FUT8: variants seen among roughly 807,000 people sequenced by gnomAD.
FUT8 encodes alpha-(1,6)-fucosyltransferase.
Under a neutral mutation model 71.3 loss-of-function variants are expected in FUT8, and 29 were observed. The observed-to-expected ratio is 0.41, with a 90% CI of 0.30 to 0.55. The LOEUF is 0.55. Among genes scored for constraint, FUT8 ranks in the 20% least tolerant of loss-of-function variants. FUT8 has a pLI of 0.34. For missense variants in FUT8, 544 were observed against 702.1 expected, an observed-to-expected ratio of 0.77 and a Z score of 2.55; for synonymous variants, 254 against 239.3, an observed-to-expected ratio of 1.06 and a Z score of -0.57.
intron 7 of FUT8, among the ~76,000 whole-genome samples, chr14:65,710,546 A>G (rs1894763878): frequency 2.0e-5 from 3 of 152,164 alleles, no homozygotes; most frequent in Admixed American, 6.5e-5. Flanking sequence ...AGTTTACTAG[A>G]CAGTAGCGTG....
At chr14:65,441,787 T>C (rs2065661335) in intron 1 of FUT8, among the ~76,000 whole-genome samples, 1 of 148,388 alleles carries the variant, frequency 6.7e-6, no homozygotes, top group Admixed American at 6.8e-5. Context: ...AATCAGTTTG[T>C]ATTTACTCAG....
chr14:65,659,023 C>G (rs748154045), intron 6 of FUT8, among the ~76,000 whole-genome samples: 4 of 151,938 alleles, frequency 2.6e-5, no homozygotes, highest in Non-Finnish European at 5.9e-5. Flanking sequence ...TAGTAACTCT[C>G]TGTACTATTT....
intron 3 of FUT8, among the ~76,000 whole-genome samples, chr14:65,568,804 C>T (rs1007517755): frequency 6.6e-6 from 1 of 150,976 alleles, no homozygotes; most frequent in African/African-American, 2.4e-5. Context: ...TTTATAAACA[C>T]TCATATTCTT....
At chr14:65,625,558 T>A (rs1035311826) in intron 5 of FUT8, among the ~76,000 whole-genome samples, 1 of 152,186 alleles carries the variant, frequency 6.6e-6, no homozygotes, top group Non-Finnish European at 1.5e-5. Context: ...GAATAACAAA[T>A]AAGAAAATGG....
intron 3 of FUT8, among the ~76,000 whole-genome samples, chr14:65,608,416 A>G (rs1888700297): frequency 6.6e-6 from 1 of 151,888 alleles, no homozygotes; most frequent in Non-Finnish European, 1.5e-5. Context: ...TTTGATGGGA[A>G]AAGTTTAATT....
At chr14:65,712,611 A>C (rs1203425521) in intron 7 of FUT8, among the ~76,000 whole-genome samples, 1 of 151,982 alleles carries the variant, frequency 6.6e-6, no homozygotes, top group Non-Finnish European at 1.5e-5. Flanking sequence ...CACCCGGCTA[A>C]TTTTTGTATT....
chr14:65,589,556 G>C (rs367995264), intron 3 of FUT8, among the ~76,000 whole-genome samples: 16 of 146,336 alleles, frequency 1.1e-4, no homozygotes, highest in African/African-American at 3.8e-4. Context: ...CCATTCTCCT[G>C]CCTCAGCCTC....
intron 2 of FUT8, among the ~76,000 whole-genome samples, chr14:65,466,266 A>G (rs2066043151): frequency 6.6e-6 from 1 of 152,190 alleles, no homozygotes; most frequent in Admixed American, 6.5e-5. Context: ...TATTTAGACC[A>G]CAGATGTTTA....
At chr14:65,504,960 G>GA (rs1264395930) in intron 2 of FUT8, among the ~76,000 whole-genome samples, 2 of 152,004 alleles carry the variant, frequency 1.3e-5, no homozygotes, top group African/African-American at 2.4e-5. Flanking sequence ...GAAAGAAAGG[G>GA]AAAAAAACCC....
chr14:65,578,373 T>TA (rs1482755719), intron 3 of FUT8, among the ~76,000 whole-genome samples: 3 of 152,214 alleles, frequency 2.0e-5, no homozygotes, highest in Non-Finnish European at 4.4e-5. Context: ...GGCTATTTCT[T>TA]ACGTTTCTTT....
At position 65,633,191 on chromosome 14, in the gene FUT8, G is replaced by T. The variant is rs540505598; in HGVS notation, c.597+3585G>T. On this transcript the variant is annotated intron_variant, in intron 6 of 10. Transcript: ENST00000673929. Reference sequence around the variant, plus strand: ...GCGCCGCCACGCCTGACTGGTTTTCGTATTTTTTTGGTGGAGACGGGGTTT... The same window carrying T: ...GCGCCGCCACGCCTGACTGGTTTTCTTATTTTTTTGGTGGAGACGGGGTTT... Among the ~76,000 whole-genome samples the T allele has an allele frequency of 3.3e-5, 5 of 152,022 alleles. No individual in the cohort carries two copies. In the East Asian group the frequency reaches 7.8e-4, roughly 24 times the overall value.
Position 65,426,936 on chromosome 14 carries a change from G to C in FUT8, c.-326+13722G>C, listed in dbSNP as rs2065397989. 2.0e-5 allele frequency among the ~76,000 whole-genome samples: 3 copies of C among 152,088 alleles called. No homozygotes were observed. The South Asian group carries it at 6.2e-4, about 32-fold the overall frequency. ...TGCAGTGGTGTGATCTTGGCTCACT[G>C]TAAGCTCTGCCTCCCGGGTTCAGGC... On this transcript the variant is annotated intron_variant, in intron 1 of 10. Transcript: ENST00000673929.
chr14:65,419,312 C>G (rs1344868083), intron 1 of FUT8, among the ~76,000 whole-genome samples: 1 of 151,976 alleles, frequency 6.6e-6, no homozygotes, highest in Non-Finnish European at 1.5e-5. Flanking sequence ...CTTCATGTGC[C>G]TCATTACTGT....
intron 2 of FUT8, among the ~76,000 whole-genome samples, chr14:65,458,787 C>CT (rs895343220): frequency 1.5e-4 from 21 of 144,762 alleles, no homozygotes; most frequent in Non-Finnish European, 1.2e-4. Context: ...CTTTTCTTTT[C>CT]TTTCTTTTTT....
intron 10 of FUT8, among the ~76,000 whole-genome samples, chr14:65,738,207 C>G (rs1200281381): frequency 6.6e-6 from 1 of 152,106 alleles, no homozygotes; most frequent in Non-Finnish European, 1.5e-5. Flanking sequence ...GTCTTATTCT[C>G]TTATTGTATA....
chr14:65,417,269 C>T (rs890822148), intron 1 of FUT8, among the ~76,000 whole-genome samples: 1 of 151,510 alleles, frequency 6.6e-6, no homozygotes, highest in Non-Finnish European at 1.5e-5. Flanking sequence ...GGATTAGTTT[C>T]AAATCTCAAC....
At chr14:65,499,272 A>G (rs2066608634) in intron 2 of FUT8, among the ~76,000 whole-genome samples, 1 of 152,076 alleles carries the variant, frequency 6.6e-6, no homozygotes, top group Non-Finnish European at 1.5e-5. Flanking sequence ...TTACCCTTAT[A>G]GCATTTTCAT....
the FUT8 span, among the ~76,000 whole-genome samples, chr14:65,388,411 C>T: frequency 1.3e-5 from 2 of 152,130 alleles, no homozygotes; most frequent in Admixed American, 1.3e-4. Context: ...CACATGGATC[C>T]ATTTACCTAA....
At chr14:65,601,541 G>T (rs1380505120) in intron 3 of FUT8, among the ~76,000 whole-genome samples, 1 of 152,064 alleles carries the variant, frequency 6.6e-6, no homozygotes, top group African/African-American at 2.4e-5. Flanking sequence ...TTTCTTTATA[G>T]ATTGTTTAAA....
Sources: gnomAD v4.1 joint callset for allele counts (sites outside exome capture counted in the v4.1 genomes callset) on GRCh38, gnomAD v4.1.1 for gene constraint, MANE v1.5 for transcripts, NCBI Gene and HGNC (gene_info 2026-07-23, HGNC 2026-07-21) for gene names.